RABGAP1L: variants seen among roughly 807,000 people sequenced by gnomAD.
RABGAP1L encodes the protein RAB GTPase activating protein 1 like.
RABGAP1L carries 63 observed loss-of-function variants against 137.7 expected under a neutral mutation model. The ratio of observed to expected loss-of-function variants is 0.46; its 90% confidence interval spans 0.37 to 0.56. The LOEUF (loss-of-function observed/expected upper bound fraction) is 0.56. RABGAP1L is among the 20% of genes least tolerant of loss of function. RABGAP1L has a pLI of 0.00. For synonymous variants in RABGAP1L, 431 were observed against 433.7 expected (o/e 0.99, Z 0.08); for missense variants, 1,095 against 1,244.0 (o/e 0.88, Z 1.80).
chr1:174,834,285 G>C lies in RABGAP1L; in HGVS notation c.2340+22325G>C, dbSNP rs555237869. 1.1e-4 allele frequency among the ~76,000 whole-genome samples: 17 copies of C among 152,136 alleles called. No homozygotes were observed. The South Asian group carries it at 3.5e-3, about 32-fold the overall frequency. ...CTACTAAAAATACAAAATTAGCAGG[G>C]TGTGGTGGCACACGCATGTAATCCC... On this transcript the variant is annotated intron_variant, in intron 19 of 25. Coordinates refer to ENST00000681986, the MANE Select transcript of RABGAP1L (RefSeq NM_001366446.1).
intron 13 of RABGAP1L, among the ~76,000 whole-genome samples, chr1:174,587,017 C>G (rs558179398): frequency 2.6e-5 from 4 of 151,768 alleles, no homozygotes; most frequent in African/African-American, 9.7e-5. Flanking sequence ...TTTGTTCTTG[C>G]GATAGTTTAC....
chr1:174,600,257 C>T (rs1333485212), intron 13 of RABGAP1L, among the ~76,000 whole-genome samples: 7 of 152,188 alleles, frequency 4.6e-5, no homozygotes, highest in Admixed American at 4.6e-4. Context: ...CGTGGGAATT[C>T]TGGGAGATAC....
intron 11 of RABGAP1L, among the ~76,000 whole-genome samples, chr1:174,356,977 AAGTGGT>A (rs141378862): frequency 0.086 from 13,083 of 152,128 alleles, 757 homozygotes; most frequent in South Asian, 0.14. Flanking sequence ...AGATTGAAGA[AAGTGGT>A]AGTCCTACTG....
intron 13 of RABGAP1L, among the ~76,000 whole-genome samples, chr1:174,491,189 A>C (rs753863732): frequency 3.3e-5 from 5 of 152,024 alleles, no homozygotes; most frequent in African/African-American, 7.3e-5. Flanking sequence ...GTCTCACCTG[A>C]AGCCAACATG....
intron 21 of RABGAP1L, among the ~76,000 whole-genome samples, chr1:174,973,979 G>GTTTTTTTTTTTTTTTTTTTTT (rs58500594): frequency 2.3e-5 from 2 of 85,788 alleles, no homozygotes; most frequent in Admixed American, 1.4e-4. Flanking sequence ...ATTGTTTTTT[G>GTTTTTTTTTTTTTTTTTTTTT]TTTTTTTTTT....
intron 13 of RABGAP1L, among the ~76,000 whole-genome samples, chr1:174,455,177 A>G (rs1172997900): frequency 6.6e-6 from 1 of 152,162 alleles, no homozygotes; most frequent in African/African-American, 2.4e-5. Flanking sequence ...AGTTTTTGAG[A>G]TTCTAAAATT....
At chr1:174,230,320 C>T (rs1235905046) in intron 3 of RABGAP1L, among the ~76,000 whole-genome samples, 2 of 151,908 alleles carry the variant, frequency 1.3e-5, no homozygotes, top group Non-Finnish European at 2.9e-5. Context: ...ATGGATGCAG[C>T]ACACCAACAT....
intron 1 of RABGAP1L, among the ~76,000 whole-genome samples, chr1:174,179,741 A>C (rs531105717): frequency 1.5e-4 from 23 of 152,278 alleles, no homozygotes; most frequent in African/African-American, 5.3e-4. Flanking sequence ...TATTATTAGG[A>C]AAATTGCTCT....
At chr1:174,741,662 CCCAGTATAAAT>C (rs1683417681) in intron 17 of RABGAP1L, among the ~76,000 whole-genome samples, 1 of 151,786 alleles carries the variant, frequency 6.6e-6, no homozygotes, top group Non-Finnish European at 1.5e-5. Flanking sequence ...GTACCCGGCC[CCCAGTATAAAT>C]TCTTGTTGGC....
intron 18 of RABGAP1L, among the ~76,000 whole-genome samples, chr1:174,780,929 A>T (rs894885964): frequency 6.6e-6 from 1 of 151,678 alleles, no homozygotes; most frequent in Non-Finnish European, 1.5e-5. Context: ...ATAGTATTCC[A>T]TGGTGTATAT....
chr1:174,847,432 A>G (rs576698478), intron 19 of RABGAP1L, among the ~76,000 whole-genome samples: 183 of 151,146 alleles, frequency 1.2e-3, no homozygotes, highest in African/African-American at 4.1e-3. Flanking sequence ...GGTGGTGACA[A>G]AATCTCTCAG....
At chr1:174,589,348 G>A (rs115924716) in intron 13 of RABGAP1L, among the ~76,000 whole-genome samples, 1,556 of 152,068 alleles carry the variant, frequency 0.01, 29 homozygotes, top group African/African-American at 0.036. Flanking sequence ...TATTCCGGTT[G>A]TTCATCATTT....
intron 17 of RABGAP1L, among the ~76,000 whole-genome samples, chr1:174,710,863 G>A (rs1253255318): frequency 2.0e-5 from 3 of 152,190 alleles, no homozygotes; most frequent in African/African-American, 7.2e-5. Context: ...CCAATTAAAA[G>A]ACAGACTGGC....
At chr1:174,790,074 G>A (rs1687734516) in intron 18 of RABGAP1L, among the ~76,000 whole-genome samples, 1 of 151,914 alleles carries the variant, frequency 6.6e-6, no homozygotes, top group African/African-American at 2.4e-5. Context: ...GCTGGCTGTG[G>A]TGGCTCACAC....
At chr1:174,437,586 C>T (rs1281088329) in intron 13 of RABGAP1L, among the ~76,000 whole-genome samples, 12 of 152,168 alleles carry the variant, frequency 7.9e-5, no homozygotes, top group African/African-American at 2.7e-4. Flanking sequence ...ACCAAACCTA[C>T]GTGTAATTGG....
rs140560882 is a variant in RABGAP1L at position 174,717,248 on chromosome 1, A to G, written c.2169+14992A>G. Among the ~76,000 whole-genome samples, 21 of 152,192 alleles carry G rather than the reference A, an allele frequency of 1.4e-4. No homozygotes were observed. The East Asian group carries it at 3.5e-3, about 25-fold the overall frequency. On this transcript the variant is annotated intron_variant, in intron 17 of 25. Transcript: ENST00000681986. ...AACGTGGCGAGACCCTGTGTCTATC[A>G]AAAGTTAAAAAATTTAGGTAGGCAT... is the stretch of plus-strand genomic sequence containing the variant.
chr1:174,983,753 A>G (rs773087075), intron 24 of RABGAP1L, among the ~76,000 whole-genome samples: 3 of 152,244 alleles, frequency 2.0e-5, no homozygotes, highest in Non-Finnish European at 2.9e-5. Context: ...CATAGTGTAT[A>G]TAAAGTGCTT....
At chr1:174,610,733 T>G (rs1671161884) in intron 13 of RABGAP1L, among the ~76,000 whole-genome samples, 1 of 152,240 alleles carries the variant, frequency 6.6e-6, no homozygotes, top group Admixed American at 6.5e-5. Flanking sequence ...CCTGACTTTT[T>G]AATGATCACC....
At chr1:174,647,088 C>T in intron 14 of RABGAP1L, among the ~76,000 whole-genome samples, 1 of 152,150 alleles carries the variant, frequency 6.6e-6, no homozygotes, top group Non-Finnish European at 1.5e-5. Flanking sequence ...AGGTGCTTAG[C>T]AGCTTAAGGA....
Sources: gnomAD v4.1 joint callset for allele counts (sites outside exome capture counted in the v4.1 genomes callset) on GRCh38, gnomAD v4.1.1 for gene constraint, MANE v1.5 for transcripts, NCBI Gene and HGNC (gene_info 2026-07-23, HGNC 2026-07-21) for gene names.